The following RBFOX1 variants were observed in gnomAD, a reference collection of about 807,000 sequenced individuals.
The protein encoded by RBFOX1 is RNA binding protein fox-1 homolog 1.
RBFOX1 carries 8 observed loss-of-function variants against 57.7 expected under a neutral mutation model. The ratio of observed to expected loss-of-function variants is 0.14; its 90% CI spans 0.08 to 0.25. The LOEUF (loss-of-function observed/expected upper bound fraction) is 0.25, where lower values mean the gene tolerates loss of function less well. RBFOX1 is among the 10% of genes least tolerant of loss of function. The pLI, the probability that RBFOX1 is intolerant of heterozygous loss-of-function variation, is 1.00. For missense variants in RBFOX1, 611 were observed against 548.5 expected (o/e 1.11, Z -1.14); for synonymous variants, 326 against 222.4 (o/e 1.47, Z -4.15).
chr16:7,183,575 C>G (rs1406756109), intron 4 of RBFOX1, among the ~76,000 whole-genome samples: 1 of 151,738 alleles, frequency 6.6e-6, no homozygotes, highest in Non-Finnish European at 1.5e-5. Context: ...TGTGCTTGCA[C>G]ATGTGTGTAT....
chr16:7,651,143 T>A (rs2064969121), intron 11 of RBFOX1, among the ~76,000 whole-genome samples: 1 of 152,186 alleles, frequency 6.6e-6, no homozygotes, highest in African/African-American at 2.4e-5. Flanking sequence ...GGTTCTACAA[T>A]CCTCGTATTT....
At chr16:7,127,381 T>C (rs567117137) in intron 4 of RBFOX1, among the ~76,000 whole-genome samples, 19 of 152,226 alleles carry the variant, frequency 1.2e-4, no homozygotes, top group Admixed American at 7.8e-4. Context: ...TAATAACTTA[T>C]TTGATACTTA....
At chr16:7,376,906 G>C (rs959359228) in intron 4 of RBFOX1, among the ~76,000 whole-genome samples, 1 of 152,076 alleles carries the variant, frequency 6.6e-6, no homozygotes, top group East Asian at 1.9e-4. Context: ...GAGGTACCCA[G>C]TGCATAGACC....
chr16:5,971,717 G>C (rs2059964898), intron 4 of RBFOX1, among the ~76,000 whole-genome samples: 1 of 152,156 alleles, frequency 6.6e-6, no homozygotes, highest in South Asian at 2.1e-4. Context: ...GACCAGTCTG[G>C]ATTTATTACA....
At chr16:7,298,180 CCT>C (rs1394457948) in intron 4 of RBFOX1, among the ~76,000 whole-genome samples, 7 of 152,162 alleles carry the variant, frequency 4.6e-5, no homozygotes, top group South Asian at 2.1e-4. Flanking sequence ...TTATTTATCC[CCT>C]GTTTCCCCTA....
chr16:5,700,867 T>G (rs1395463235), intron 3 of RBFOX1, among the ~76,000 whole-genome samples: 1 of 152,176 alleles, frequency 6.6e-6, no homozygotes, highest in Non-Finnish European at 1.5e-5. Context: ...TGGCCAGTTG[T>G]AGGTCACATG....
chr16:5,312,774 G>A (rs1023115302), intron 1 of RBFOX1, among the ~76,000 whole-genome samples: 4 of 152,190 alleles, frequency 2.6e-5, no homozygotes, highest in African/African-American at 9.6e-5. Flanking sequence ...GGCTGATGCT[G>A]CAGATGCATG....
intron 2 of RBFOX1, among the ~76,000 whole-genome samples, chr16:5,594,266 T>A (rs544243528): frequency 5.8e-4 from 89 of 152,308 alleles, no homozygotes; most frequent in African/African-American, 1.9e-3. Context: ...ATACAAAGAT[T>A]GATACATCTG....
Position 6,446,311 on chromosome 16 carries a change from C to G in RBFOX1, c.-64+129254C>G, listed in dbSNP as rs146800577. Among the ~76,000 whole-genome samples, 160 of 152,210 alleles carry G rather than the reference C, an allele frequency of 1.1e-3. 1 individual carries two copies. The highest frequency in any genetic ancestry group is 3.8e-3 in the African/African-American group (156 of 41,538). ...AGCCACCACACCTGGCCAGTAGGTG[C>G]TTTTAAAAATATTATTGGTTTCTGG... On this transcript the variant is annotated intron_variant, in intron 2 of 15. Transcript: ENST00000550418.
chr16:6,905,552 C>CAAA (rs55769867), intron 3 of RBFOX1, among the ~76,000 whole-genome samples: 4 of 143,394 alleles, frequency 2.8e-5, no homozygotes, highest in Non-Finnish European at 4.6e-5. Context: ...GACTCCATCT[C>CAAA]AAAAAAAAAA....
At chr16:7,313,697 C>T (rs967317194) in intron 4 of RBFOX1, among the ~76,000 whole-genome samples, 1 of 82,322 alleles carries the variant, frequency 1.2e-5, no homozygotes, top group Admixed American at 1.6e-4. Flanking sequence ...TGGATTATCA[C>T]ATTTAATCCC....
chr16:5,524,097 A>T (rs2044136648), intron 2 of RBFOX1, among the ~76,000 whole-genome samples: 1 of 152,194 alleles, frequency 6.6e-6, no homozygotes, highest in African/African-American at 2.4e-5. Flanking sequence ...GATTCCTTCC[A>T]CCAGCCTCAC....
intron 4 of RBFOX1, among the ~76,000 whole-genome samples, chr16:7,486,117 CTTT>C (rs61448458): frequency 1.0e-4 from 8 of 77,338 alleles, no homozygotes; most frequent in Non-Finnish European, 1.6e-4. Flanking sequence ...GTGTTTGTGT[CTTT>C]TTTTTTTTTT....
At chr16:7,523,112 T>G (rs1308261285) in intron 5 of RBFOX1, among the ~76,000 whole-genome samples, 1 of 152,240 alleles carries the variant, frequency 6.6e-6, no homozygotes, top group Non-Finnish European at 1.5e-5. Context: ...TTGTCTGGCT[T>G]CTTTTACTCA....
intron 2 of RBFOX1, among the ~76,000 whole-genome samples, chr16:5,521,820 C>T (rs374765417): frequency 1.3e-5 from 2 of 152,166 alleles, no homozygotes; most frequent in Non-Finnish European, 2.9e-5. Context: ...TCTCTCACCC[C>T]GGAAGTTCAC....
At chr16:7,115,006 C>T (rs1038243857) in intron 4 of RBFOX1, among the ~76,000 whole-genome samples, 10 of 152,190 alleles carry the variant, frequency 6.6e-5, no homozygotes, top group Non-Finnish European at 1.2e-4. Flanking sequence ...AGCGTATTTA[C>T]TCTTTAGCTC....
intron 4 of RBFOX1, among the ~76,000 whole-genome samples, chr16:7,237,844 A>C (rs1005346307): frequency 4.6e-5 from 7 of 152,214 alleles, no homozygotes; most frequent in Non-Finnish European, 1.0e-4. Flanking sequence ...CAACTACTCA[A>C]AATAGAAAAA....
chr16:6,852,558 A>G (rs2094127915), intron 3 of RBFOX1, among the ~76,000 whole-genome samples: 1 of 152,222 alleles, frequency 6.6e-6, no homozygotes, highest in African/African-American at 2.4e-5. Context: ...ACATGGTGGC[A>G]ACTAGCTGTC....
chr16:6,332,049 A>G (rs1378762155), intron 2 of RBFOX1, among the ~76,000 whole-genome samples: 1 of 152,206 alleles, frequency 6.6e-6, no homozygotes, highest in Admixed American at 6.5e-5. Context: ...CGGTTTGTGT[A>G]ACACCAATGG....
Sources: gnomAD v4.1 joint callset for allele counts (sites outside exome capture counted in the v4.1 genomes callset) on GRCh38, gnomAD v4.1.1 for gene constraint, MANE v1.5 for transcripts, NCBI Gene and HGNC (gene_info 2026-07-23, HGNC 2026-07-21) for gene names.